The following PRR16 variants were observed in gnomAD, a reference collection of about 807,000 sequenced individuals.
PRR16 encodes proline rich 16, also known as protein Largen.
In PRR16, 6 loss-of-function variants were observed where a neutral mutation model predicts 18.2. The observed-to-expected ratio is 0.33, with a 90% confidence interval of 0.18 to 0.65. PRR16 has a LOEUF of 0.65. Ranked by LOEUF, PRR16 falls within the 30% of genes least tolerant of loss-of-function variation. PRR16 has a pLI of 0.74. For missense variants in PRR16, 412 were observed against 376.6 expected (o/e 1.09, Z -0.78); for synonymous variants, 151 against 147.8 (o/e 1.02, Z -0.16).
chr5:120,598,216 A>T lies in PRR16; in HGVS notation c.160-87738A>T, dbSNP rs537988746. Among the ~76,000 whole-genome samples the T allele has an allele frequency of 4.2e-3, 631 of 151,954 alleles. 5 individuals carry two copies. The highest frequency in any genetic ancestry group is 0.014 in the African/African-American group (594 of 41,496). ...GGGCATGTGTGCAGATTTTTTATAC[A>T]TTTCTTGTTAATTATTTCTTTTACA... On this transcript the variant is annotated intron_variant, in intron 1 of 1. Transcript: ENST00000407149.
rs534934368 is a variant in PRR16 at position 120,584,426 on chromosome 5, GA to G, written c.160-101524del. 2.0e-3 allele frequency among the ~76,000 whole-genome samples: 304 copies of G among 152,106 alleles called. 1 individual carries two copies. Among genetic ancestry groups the G allele is most frequent in the African/African-American group, 7.2e-3 (297 of 41,424 alleles). ...AATATAGGGTAATAAATTGGTCTAT[GA>G]AAATGAAAAGATACCACAGTTGATT... On this transcript the variant is annotated intron_variant, in intron 1 of 1. Transcript: ENST00000407149.
the PRR16 span, among the ~76,000 whole-genome samples, chr5:120,737,199 T>C: frequency 3.3e-5 from 5 of 152,264 alleles, no homozygotes; most frequent in Non-Finnish European, 7.4e-5. Context: ...TCCTGACTGA[T>C]TGGGAGAAAC....
intron 1 of PRR16, among the ~76,000 whole-genome samples, chr5:120,572,378 T>A (rs1036269599): frequency 6.6e-6 from 1 of 152,190 alleles, no homozygotes; most frequent in African/African-American, 2.4e-5. Context: ...ATGTAGCACT[T>A]GAGGGTAAAG....
the PRR16 span, among the ~76,000 whole-genome samples, chr5:120,738,487 C>T: frequency 3.3e-5 from 5 of 151,984 alleles, no homozygotes; most frequent in South Asian, 4.1e-4. Context: ...ATTTACATGA[C>T]GACCCCCTTC....
chr5:120,702,835 T>C, the PRR16 span, among the ~76,000 whole-genome samples: 16,184 of 152,120 alleles, frequency 0.11, 1,078 homozygotes, highest in Non-Finnish European at 0.14. Flanking sequence ...TGGTGAGATC[T>C]TCCTTGGGCT....
chr5:120,464,539 C>T lies in PRR16; in HGVS notation c.53C>T (p.Pro18Leu). 6.3e-7 allele frequency: 1 copy of T among 1,591,608 alleles called. No homozygotes were observed. The highest frequency in any genetic ancestry group is 1.1e-5 in the South Asian group (1 of 89,232). ...TCCTCGTCCTGTCCAGCCGAGGGACCGCCGGCAGCCTCCAAAACCAAGGTG... is the reference window on the plus strand; with the variant it reads ...TCCTCGTCCTGTCCAGCCGAGGGACTGCCGGCAGCCTCCAAAACCAAGGTG... ...NPSSSCPAEG[P>L]PAASKTKVKE... Residue 18 changes from proline to leucine, a missense_variant, in exon 1 of 2, where the codon CCG (proline) becomes CTG (leucine). Coordinates refer to ENST00000407149, the MANE Select transcript of PRR16 (RefSeq NM_001300783.2).
At chr5:120,755,020 GT>G in the PRR16 span, among the ~76,000 whole-genome samples, 2 of 100,024 alleles carry the variant, frequency 2.0e-5, no homozygotes, top group South Asian at 3.3e-4. Flanking sequence ...ATGTGACTAA[GT>G]TTTTTTCACT....
the PRR16 span, among the ~76,000 whole-genome samples, chr5:120,772,003 T>C: frequency 2.9e-3 from 439 of 152,166 alleles, 7 homozygotes; most frequent in African/African-American, 9.8e-3. Flanking sequence ...AGATTGATAT[T>C]ATATCCTTTC....
chr5:120,740,146 T>C, the PRR16 span, among the ~76,000 whole-genome samples: 2 of 152,142 alleles, frequency 1.3e-5, no homozygotes, highest in Non-Finnish European at 2.9e-5. Context: ...GGGGCTTTGG[T>C]CTTTGCTTTT....
chr5:120,748,091 T>C, the PRR16 span, among the ~76,000 whole-genome samples: 1 of 152,106 alleles, frequency 6.6e-6, no homozygotes. Flanking sequence ...CCTCTGACAA[T>C]ATATTATTGA....
At chr5:120,531,750 C>T (rs1057363927) in intron 1 of PRR16, among the ~76,000 whole-genome samples, 6 of 152,046 alleles carry the variant, frequency 3.9e-5, no homozygotes, top group African/African-American at 1.2e-4. Context: ...AAGCAAAAAT[C>T]ACAGAAAGGG....
chr5:120,695,589 G>GGA, the PRR16 span, among the ~76,000 whole-genome samples: 1 of 152,052 alleles, frequency 6.6e-6, no homozygotes, highest in Non-Finnish European at 1.5e-5. Context: ...AATACCCAAT[G>GGA]GAGAAACTTT....
rs1749600205 is a variant in PRR16 at position 120,481,202 on chromosome 5, C to T, written c.159+16557C>T. On this transcript the variant is annotated intron_variant, in intron 1 of 1. Coordinates refer to ENST00000407149, the MANE Select transcript of PRR16 (RefSeq NM_001300783.2). Reference sequence around the variant, plus strand: ...CCACTCTGTTGCCCAGGCTAGAGTGCAATGGCACAATCTGGGCTCACTGCA... The same window carrying T: ...CCACTCTGTTGCCCAGGCTAGAGTGTAATGGCACAATCTGGGCTCACTGCA... The T allele has an allele frequency of 3.9e-6, 3 of 778,638 alleles. No individual in the cohort carries two copies. In the South Asian group the frequency reaches 4.3e-5, roughly 11 times the overall value. The allele number at this position is 778,638 out of a possible 1,614,324, so 48.2% of individuals were successfully genotyped here. A position where few individuals can be genotyped will look rare whatever the true frequency, so the allele number is the denominator to read the frequency against.
the PRR16 span, among the ~76,000 whole-genome samples, chr5:120,736,601 TAG>T: frequency 6.7e-6 from 1 of 150,198 alleles, no homozygotes; most frequent in South Asian, 2.1e-4. Flanking sequence ...TATGAATTTT[TAG>T]AGTTTTTTTC....
At chr5:120,697,447 T>C in the PRR16 span, among the ~76,000 whole-genome samples, 1 of 152,250 alleles carries the variant, frequency 6.6e-6, no homozygotes, top group Non-Finnish European at 1.5e-5. Context: ...ATCCTAAACC[T>C]GTCCACTTAC....
At chr5:120,506,732 T>C (rs1403111309) in intron 1 of PRR16, among the ~76,000 whole-genome samples, 1 of 152,120 alleles carries the variant, frequency 6.6e-6, no homozygotes, top group East Asian at 1.9e-4. Context: ...TGTATGACTT[T>C]TCTCTTATGG....
the PRR16 span, among the ~76,000 whole-genome samples, chr5:120,730,810 ATTG>A: frequency 6.6e-6 from 1 of 152,158 alleles, no homozygotes; most frequent in Non-Finnish European, 1.5e-5. Flanking sequence ...GGAAAACAAA[ATTG>A]TTATTTACCC....
At chr5:120,688,749 A>T (rs978986038), downstream of PRR16, among the ~76,000 whole-genome samples, 5 of 152,168 alleles carry the variant, frequency 3.3e-5, no homozygotes, top group Admixed American at 3.3e-4. Flanking sequence ...GATGTCGGGG[A>T]TCCAAGCCCG....
At chr5:120,614,588 A>G (rs912636903) in intron 1 of PRR16, among the ~76,000 whole-genome samples, 2 of 152,240 alleles carry the variant, frequency 1.3e-5, no homozygotes, top group East Asian at 1.9e-4. Context: ...TGGTTTGATT[A>G]GCCTTGTCTG....
Sources: allele counts gnomAD v4.1 joint callset (sites outside exome capture counted in the v4.1 genomes callset), GRCh38; gene constraint gnomAD v4.1.1; transcripts MANE v1.5; gene names NCBI Gene and HGNC (gene_info 2026-07-23, HGNC 2026-07-21).